E2F3: variants seen among roughly 807,000 people sequenced by gnomAD.
The protein encoded by E2F3 is transcription factor E2F3.
A neutral mutation model predicts 44.4 loss-of-function variants in E2F3; 11 were observed. The observed-to-expected ratio is 0.25, with a 90% CI of 0.16 to 0.41. The LOEUF (loss-of-function observed/expected upper bound fraction) is 0.41, where lower values mean the gene tolerates loss of function less well. E2F3 is among the 10% of genes least tolerant of loss of function. The pLI, the probability that E2F3 is intolerant of heterozygous loss-of-function variation, is 1.00. For missense variants in E2F3, 487 were observed against 583.6 expected, an observed-to-expected ratio of 0.83 and a Z score of 1.70; for synonymous variants, 249 against 253.0, an observed-to-expected ratio of 0.98 and a Z score of 0.15.
chr6:20,488,858 G>A (rs1373274426), intron 6 of E2F3, among the ~76,000 whole-genome samples: 1 of 152,106 alleles, frequency 6.6e-6, no homozygotes, highest in Non-Finnish European at 1.5e-5. Context: ...GCTGTGCGTG[G>A]TGGCACGTGC....
At chr6:20,452,916 T>A (rs1208291196) in intron 1 of E2F3, among the ~76,000 whole-genome samples, 1 of 152,148 alleles carries the variant, frequency 6.6e-6, no homozygotes, top group Non-Finnish European at 1.5e-5. Context: ...ATCGCACCAC[T>A]GTACTCCAGC....
At chr6:20,467,371 C>G (rs1055603669) in intron 1 of E2F3, among the ~76,000 whole-genome samples, 2 of 152,084 alleles carry the variant, frequency 1.3e-5, no homozygotes, top group Non-Finnish European at 2.9e-5. Flanking sequence ...TCAGGCAGTC[C>G]CCCTTCTTCC....
chr6:20,427,903 T>C (rs1281064840), intron 1 of E2F3, among the ~76,000 whole-genome samples: 1 of 152,218 alleles, frequency 6.6e-6, no homozygotes, highest in Non-Finnish European at 1.5e-5. Context: ...GTTTGGTTCT[T>C]CTGGCCTTTG....
chr6:20,438,246 A>G (rs1760658399), intron 1 of E2F3, among the ~76,000 whole-genome samples: 1 of 152,220 alleles, frequency 6.6e-6, no homozygotes, highest in African/African-American at 2.4e-5. Context: ...AAAGTGCTAT[A>G]TAAACATAAG....
intron 1 of E2F3, among the ~76,000 whole-genome samples, chr6:20,435,558 C>G (rs1760546388): frequency 6.6e-6 from 1 of 152,192 alleles, no homozygotes; most frequent in South Asian, 2.1e-4. Flanking sequence ...CGAGACCATC[C>G]TGGCCAACAT....
chr6:20,478,136 T>C (rs1278553224), intron 1 of E2F3, among the ~76,000 whole-genome samples: 1 of 152,044 alleles, frequency 6.6e-6, no homozygotes, highest in African/African-American at 2.4e-5. Flanking sequence ...GAGGACAAGG[T>C]TGCAGTGAGC....
At chr6:20,424,031 A>G (rs1162207132) in intron 1 of E2F3, among the ~76,000 whole-genome samples, 1 of 152,132 alleles carries the variant, frequency 6.6e-6, no homozygotes, top group African/African-American at 2.4e-5. Flanking sequence ...CGGCCTCCCA[A>G]AGTGCTGGGA....
chr6:20,461,320 C>T (rs926106609), intron 1 of E2F3, among the ~76,000 whole-genome samples: 8 of 151,978 alleles, frequency 5.3e-5, no homozygotes, highest in Non-Finnish European at 8.8e-5. Flanking sequence ...GGTGAAACCC[C>T]GTTTCTACTA....
At chr6:20,449,153 C>T (rs1761044109) in intron 1 of E2F3, among the ~76,000 whole-genome samples, 1 of 152,180 alleles carries the variant, frequency 6.6e-6, no homozygotes, top group African/African-American at 2.4e-5. Flanking sequence ...TCCATGTACA[C>T]TGAAGTTTTC....
intron 1 of E2F3, among the ~76,000 whole-genome samples, chr6:20,443,902 C>A (rs1274298060): frequency 1.3e-5 from 2 of 152,136 alleles, no homozygotes; most frequent in African/African-American, 4.8e-5. Flanking sequence ...CAAGTACTTT[C>A]ATACTTTTTA....
rs576033325 is a variant in E2F3, at chr6:20,434,873, C to T, written c.393+32248C>T. Among the ~76,000 whole-genome samples the T allele has an allele frequency of 4.6e-5, 7 of 152,270 alleles. No individual in the cohort carries two copies. In the South Asian group the frequency reaches 6.2e-4, roughly 14 times the overall value. On this transcript the variant is annotated intron_variant, in intron 1 of 6. Coordinates refer to ENST00000346618, the MANE Select transcript of E2F3 (RefSeq NM_001949.5). ...GTTCATCAGAATGAACAAAGGCACA[C>T]GCATAAAATGAGAGCGTGGCAGATG...
chr6:20,420,479 C>A (rs981507539), intron 1 of E2F3, among the ~76,000 whole-genome samples: 1 of 151,642 alleles, frequency 6.6e-6, no homozygotes, highest in East Asian at 1.9e-4. Context: ...TAAATACAGG[C>A]ATACCTCAGA....
At chr6:20,414,624 C>T (rs1455398412) in intron 1 of E2F3, among the ~76,000 whole-genome samples, 1 of 152,080 alleles carries the variant, frequency 6.6e-6, no homozygotes, top group African/African-American at 2.4e-5. Flanking sequence ...GTGTTTAAAC[C>T]CAATTTGCAA....
intron 1 of E2F3, among the ~76,000 whole-genome samples, chr6:20,412,841 C>G (rs910877905): frequency 6.6e-6 from 1 of 152,192 alleles, no homozygotes; most frequent in Non-Finnish European, 1.5e-5. Flanking sequence ...AAATAGGTCT[C>G]TAGGCCAGAT....
At position 20,492,548 on chromosome 6, in the gene E2F3, G is replaced by A. The variant is rs1486935550; in HGVS notation, c.*2118G>A. On this transcript the variant is annotated 3_prime_UTR_variant, in exon 7 of 7. Transcript: ENST00000346618. ...TTCCCATATTTATCTCATCTGGTTA[G>A]CTGCCTCTGCTTCCAGCTTTGTGTA... The A allele has an allele frequency of 8.6e-6, 2 of 233,108 alleles. No homozygotes were observed. The highest frequency in any genetic ancestry group is 1.1e-4 in the Admixed American group (2 of 17,746). 14.4% of individuals were successfully genotyped at this position (233,108 alleles called of 1,614,324 possible). A position where few individuals can be genotyped will look rare whatever the true frequency, so the allele number is the denominator to read the frequency against.
At chr6:20,436,642 C>A (rs1038786669) in intron 1 of E2F3, among the ~76,000 whole-genome samples, 2 of 152,130 alleles carry the variant, frequency 1.3e-5, no homozygotes, top group South Asian at 4.1e-4. Context: ...AGATGCTTTC[C>A]CACGTTAGCA....
intron 1 of E2F3, among the ~76,000 whole-genome samples, chr6:20,446,541 G>A (rs926250943): frequency 6.6e-6 from 1 of 152,128 alleles, no homozygotes; most frequent in African/African-American, 2.4e-5. Context: ...AATGGAAAGT[G>A]AAATTTGCAA....
Position 20,492,052 on chromosome 6 carries a change from C to T in E2F3, c.*1622C>T. The T allele has an allele frequency of 5.0e-6, 1 of 198,746 alleles. No homozygotes were observed. The highest frequency in any genetic ancestry group is 1.0e-5 in the Non-Finnish European group (1 of 96,056). The allele number at this position is 198,746 out of a possible 1,614,324, so 12.3% of individuals were successfully genotyped here. Reference sequence around the variant, plus strand: ...GTCAGATAAAGAACAAACCTCGAAACGAACAGTTAAATTGAAATGCTATGT... The same window carrying T: ...GTCAGATAAAGAACAAACCTCGAAATGAACAGTTAAATTGAAATGCTATGT... On this transcript the variant is annotated 3_prime_UTR_variant, in exon 7 of 7. Coordinates refer to ENST00000346618, the MANE Select transcript of E2F3 (RefSeq NM_001949.5).
intron 1 of E2F3, among the ~76,000 whole-genome samples, chr6:20,418,852 G>A (rs186128008): frequency 1.6e-4 from 22 of 141,672 alleles, no homozygotes; most frequent in Admixed American, 1.5e-3. Context: ...TTTTTTTTTT[G>A]TAAGAAAATA....
Sources: gnomAD v4.1 joint callset for allele counts (sites outside exome capture counted in the v4.1 genomes callset) on GRCh38, gnomAD v4.1.1 for gene constraint, MANE v1.5 for transcripts, NCBI Gene and HGNC (gene_info 2026-07-23, HGNC 2026-07-21) for gene names.